The following RELN variants were observed in gnomAD, a reference collection of about 807,000 sequenced individuals.
The protein encoded by RELN is reelin.
A neutral mutation model predicts 427.6 loss-of-function variants in RELN; 108 were observed. The ratio of observed to expected loss-of-function variants is 0.25; its 90% CI spans 0.22 to 0.30. The LOEUF (loss-of-function observed/expected upper bound fraction) is 0.30. RELN is among the 10% of genes least tolerant of loss of function. The pLI is 1.00. For synonymous variants in RELN, 1,524 were observed against 1,513.4 expected, an observed-to-expected ratio of 1.01 and a Z score of -0.16; for missense variants, 3,715 against 4,302.8, an observed-to-expected ratio of 0.86 and a Z score of 3.82.
intron 38 of RELN, among the ~76,000 whole-genome samples, chr7:103,555,841 A>T (rs892813289): frequency 6.6e-6 from 1 of 152,204 alleles, no homozygotes; most frequent in Non-Finnish European, 1.5e-5. Context: ...AATACATTAA[A>T]AATTTTGTTT....
chr7:103,919,454 C>CT (rs1190747613), intron 1 of RELN, among the ~76,000 whole-genome samples: 1 of 152,112 alleles, frequency 6.6e-6, no homozygotes, highest in Non-Finnish European at 1.5e-5. Context: ...TCTCCATCCC[C>CT]TTTCTTTCTC....
intron 16 of RELN, among the ~76,000 whole-genome samples, chr7:103,649,933 T>A (rs971685792): frequency 6.6e-6 from 1 of 152,042 alleles, no homozygotes; most frequent in Admixed American, 6.6e-5. Context: ...ACATGCAGTA[T>A]GATCAATATT....
At chr7:103,519,014 CCATTTTCCCAAAG>C (rs759251659) in intron 49 of RELN, among the ~76,000 whole-genome samples, 57 of 152,172 alleles carry the variant, frequency 3.7e-4, no homozygotes, top group Admixed American at 4.6e-4. Flanking sequence ...TTTTCTGTTT[CCATTTTCCCAAAG>C]CATTGCTGAA....
intron 48 of RELN, among the ~76,000 whole-genome samples, chr7:103,520,447 T>G (rs1001701239): frequency 6.6e-6 from 1 of 152,102 alleles, no homozygotes; most frequent in Admixed American, 6.5e-5. Context: ...GGCTAATTTT[T>G]GTATTTTTAA....
intron 10 of RELN, among the ~76,000 whole-genome samples, chr7:103,694,167 CCT>C (rs1225037466): frequency 6.6e-6 from 1 of 152,042 alleles, no homozygotes; most frequent in Admixed American, 6.6e-5. Flanking sequence ...AATCTTTTAA[CCT>C]ACAGCCAGAG....
At chr7:103,898,624 C>T (rs1795014422) in intron 2 of RELN, among the ~76,000 whole-genome samples, 1 of 151,568 alleles carries the variant, frequency 6.6e-6, no homozygotes, top group Middle Eastern at 3.4e-3. Context: ...AACATCTTTG[C>T]CAAAGTTAAA....
intron 3 of RELN, among the ~76,000 whole-genome samples, chr7:103,818,862 GT>G (rs1240634402): frequency 3.3e-5 from 5 of 151,366 alleles, no homozygotes; most frequent in Non-Finnish European, 7.4e-5. Context: ...CCCCAAGTTT[GT>G]AAAAACTAAA....
intron 2 of RELN, among the ~76,000 whole-genome samples, chr7:103,899,592 C>T (rs1161487679): frequency 6.6e-6 from 1 of 152,120 alleles, no homozygotes; most frequent in Non-Finnish European, 1.5e-5. Context: ...AGCTTATCCA[C>T]CATGATCAAG....
In RELN at chr7:103,968,056, A is replaced by G. The variant is rs181703195; in HGVS notation, c.226+21075T>C. ...TGTATATATATTTATATATATGAATATATATATTTCTCAAAGTATATATTT... is the reference window on the plus strand; with the variant it reads ...TGTATATATATTTATATATATGAATGTATATATTTCTCAAAGTATATATTT... On this transcript the variant is annotated intron_variant, in intron 1 of 64. Transcript: ENST00000428762. This position sits in a 1 kb window ranked among gnomAD's most constrained non-coding sequence, Gnocchi z 4.3. 1.1e-4 allele frequency among the ~76,000 whole-genome samples: 17 copies of G among 149,330 alleles called. No individual in the cohort carries two copies. In the East Asian group the frequency reaches 3.3e-3, roughly 29 times the overall value.
chr7:103,602,520 T>C lies in RELN; in HGVS notation c.3333+784A>G, dbSNP rs145015341. 7.5e-4 allele frequency among the ~76,000 whole-genome samples: 115 copies of C among 152,346 alleles called. No individual in the cohort carries two copies. In the South Asian group the frequency reaches 0.012, roughly 16 times the overall value. ...GCAGCCATAAAAAAGGATGAGTTCA[T>C]GTCCTTTGCAGGGACATGGATGAAG... On this transcript the variant is annotated intron_variant, in intron 24 of 64. Transcript: ENST00000428762.
At chr7:103,776,925 T>C (rs1437499487) in intron 3 of RELN, among the ~76,000 whole-genome samples, 1 of 152,198 alleles carries the variant, frequency 6.6e-6, no homozygotes, top group Non-Finnish European at 1.5e-5. Context: ...AGGAGGCTTA[T>C]TAAAATTTCT....
intron 1 of RELN, among the ~76,000 whole-genome samples, chr7:103,947,197 A>G (rs1240318040): frequency 1.3e-5 from 2 of 152,190 alleles, no homozygotes; most frequent in Non-Finnish European, 2.9e-5. Flanking sequence ...ACCTTACAAC[A>G]TATTCAGTTC....
In RELN at chr7:103,522,002, A is replaced by T. The variant is rs780459224; in HGVS notation, c.7668+20T>A. On this transcript the variant is annotated intron_variant, in intron 48 of 64. Coordinates refer to ENST00000428762, the MANE Select transcript of RELN (RefSeq NM_005045.4). ...AACTTAAGAAGAGCAGAAATGAGTA[A>T]CCAGCAGCCAAACACTCACCCCACT... is the stretch of plus-strand genomic sequence containing the variant. The T allele has an allele frequency of 2.5e-6, 4 of 1,613,526 alleles. No homozygotes were observed. The South Asian group carries it at 4.4e-5, about 18-fold the overall frequency.
intron 2 of RELN, among the ~76,000 whole-genome samples, chr7:103,891,408 G>A (rs1421499196): frequency 6.6e-6 from 1 of 152,118 alleles, no homozygotes; most frequent in Non-Finnish European, 1.5e-5. Context: ...CTGTGAAGCA[G>A]GAGGCCCAAT....
In RELN at chr7:103,589,813, C is replaced by T. The variant is rs1831368591; in HGVS notation, c.3928G>A (p.Ala1310Thr). 6.2e-7 allele frequency: 1 copy of T among 1,604,718 alleles called. No homozygotes were observed. ...GGAGCAGTACTGCTGAATTGATTGGCACAACCTATGTTTAGCTGTTAAAAG... is the reference window on the plus strand; with the variant it reads ...GGAGCAGTACTGCTGAATTGATTGGTACAACCTATGTTTAGCTGTTAAAAG... ...VLQFKLNIGC[A>T]NQFSSTAPVL... is the part of the protein sequence containing the mutation. Residue 1310 changes from alanine to threonine, a missense_variant, in exon 28 of 65, where the codon GCC (alanine) becomes ACC (threonine). Physicochemically the swap from Ala to Thr is moderately conservative, Grantham distance 58. This residue lies in a region of RELN where 2,208 missense variants were observed against 2,361.7 expected (regional missense o/e 0.93). Coordinates refer to ENST00000428762, the MANE Select transcript of RELN (RefSeq NM_005045.4).
chr7:103,965,255 C>T (rs1181040029), intron 1 of RELN, among the ~76,000 whole-genome samples: 1 of 152,166 alleles, frequency 6.6e-6, no homozygotes, highest in Non-Finnish European at 1.5e-5. Flanking sequence ...TAAATATATT[C>T]ATAGGCTGCC....
chr7:103,695,081 C>A (rs17154372), intron 10 of RELN, among the ~76,000 whole-genome samples: 30,185 of 151,992 alleles, frequency 0.2, 3,866 homozygotes, highest in African/African-American at 0.35. Context: ...CTGAGATATG[C>A]TTTCTAATTT....
intron 2 of RELN, among the ~76,000 whole-genome samples, chr7:103,855,407 G>A (rs921250881): frequency 6.6e-6 from 1 of 152,242 alleles, no homozygotes; most frequent in African/African-American, 2.4e-5. Context: ...GTGTGTATGT[G>A]TGTAAGAAAG....
chr7:103,809,257 A>T (rs1490772417), intron 3 of RELN, among the ~76,000 whole-genome samples: 3 of 152,198 alleles, frequency 2.0e-5, no homozygotes, highest in Admixed American at 6.5e-5. Context: ...AAGTCTCAAA[A>T]AATGTTTCTG....
Sources: gnomAD v4.1 joint callset for allele counts (sites outside exome capture counted in the v4.1 genomes callset) on GRCh38, gnomAD v4.1.1 for gene constraint, gnomAD v4.1.1 regional missense constraint, Gnocchi (gnomAD v3.1) non-coding constraint, MANE v1.5 for transcripts, NCBI Gene and HGNC (gene_info 2026-07-23, HGNC 2026-07-21) for gene names.